DIP2C: variants seen among roughly 807,000 people sequenced by gnomAD.
The protein encoded by DIP2C is disco-interacting protein 2 homolog C.
DIP2C carries 33 observed loss-of-function variants against 192.4 expected under a neutral mutation model. That is an observed-to-expected ratio of 0.17 (90% confidence interval 0.13 to 0.23). The LOEUF is 0.23. Among genes scored for constraint, DIP2C ranks in the 10% least tolerant of loss-of-function variants. DIP2C has a pLI of 1.00. For missense variants in DIP2C, 1,537 were observed against 2,110.1 expected, an observed-to-expected ratio of 0.73 and a Z score of 5.32; for synonymous variants, 979 against 864.1, an observed-to-expected ratio of 1.13 and a Z score of -2.33.
At chr10:323,811 T>C (rs1273148294) in intron 31 of DIP2C, among the ~76,000 whole-genome samples, 1 of 152,216 alleles carries the variant, frequency 6.6e-6, no homozygotes, top group African/African-American at 2.4e-5. Flanking sequence ...AGCAGTGTGG[T>C]CCGTACATTT....
intron 1 of DIP2C, among the ~76,000 whole-genome samples, chr10:578,452 CTGT>C (rs769424347): frequency 4.6e-5 from 7 of 152,322 alleles, no homozygotes; most frequent in Non-Finnish European, 8.8e-5. Flanking sequence ...CACCAAGTCC[CTGT>C]TGTTTCGTTT....
intron 1 of DIP2C, among the ~76,000 whole-genome samples, chr10:672,022 C>T (rs1357181517): frequency 2.1e-5 from 3 of 145,896 alleles, no homozygotes; most frequent in Admixed American, 6.9e-5. Context: ...GGAAAAGCCA[C>T]AGACGCACGG....
At chr10:544,192 G>T (rs1175381721) in intron 1 of DIP2C, among the ~76,000 whole-genome samples, 1 of 151,440 alleles carries the variant, frequency 6.6e-6, no homozygotes, top group African/African-American at 2.5e-5. Flanking sequence ...TTCAAGGTGA[G>T]TGGAATTGCA....
intron 29 of DIP2C, among the ~76,000 whole-genome samples, chr10:334,888 C>T (rs1488298869): frequency 1.3e-5 from 2 of 152,080 alleles, no homozygotes; most frequent in Admixed American, 1.3e-4. Context: ...ATTTTGTTAA[C>T]CTATTTTAAA....
chr10:469,518 T>C (rs1249118097), intron 3 of DIP2C, among the ~76,000 whole-genome samples: 2 of 152,086 alleles, frequency 1.3e-5, no homozygotes, highest in Non-Finnish European at 2.9e-5. Context: ...GGTTTCGCCA[T>C]GTTGGCCACA....
At chr10:443,772 T>C (rs1967929603) in intron 3 of DIP2C, among the ~76,000 whole-genome samples, 1 of 152,210 alleles carries the variant, frequency 6.6e-6, no homozygotes, top group African/African-American at 2.4e-5. Context: ...TAAGCTTATT[T>C]GCTTAAGCCT....
At chr10:296,125 T>G (rs1202863234) in intron 32 of DIP2C, among the ~76,000 whole-genome samples, 1 of 152,244 alleles carries the variant, frequency 6.6e-6, no homozygotes, top group African/African-American at 2.4e-5. Context: ...TTTAGTTTAA[T>G]TAGATCCCAT....
At chr10:663,924 G>A (rs1468732557) in intron 1 of DIP2C, 2 of 152,178 alleles carry the variant, frequency 1.3e-5, no homozygotes, top group African/African-American at 2.4e-5. Flanking sequence ...AAGGGCTCCG[G>A]GAGGCCACAC....
chr10:472,112 A>C (rs949793261), intron 3 of DIP2C, among the ~76,000 whole-genome samples: 1 of 152,214 alleles, frequency 6.6e-6, no homozygotes, highest in Non-Finnish European at 1.5e-5. Flanking sequence ...TGATGGTAAG[A>C]AAAAGAAAAA....
At chr10:439,473 T>C (rs1253912548) in intron 4 of DIP2C, among the ~76,000 whole-genome samples, 1 of 152,062 alleles carries the variant, frequency 6.6e-6, no homozygotes, top group Non-Finnish European at 1.5e-5. Flanking sequence ...AAAAATTAGC[T>C]GGGTGTGGTG....
At chr10:393,214 T>C (rs1439069433) in intron 10 of DIP2C, among the ~76,000 whole-genome samples, 1 of 152,226 alleles carries the variant, frequency 6.6e-6, no homozygotes, top group African/African-American at 2.4e-5. Context: ...CATCAGGGTC[T>C]TTATTCGAAG....
chr10:542,216 T>A (rs1848031924), intron 1 of DIP2C, among the ~76,000 whole-genome samples: 1 of 152,208 alleles, frequency 6.6e-6, no homozygotes, highest in Non-Finnish European at 1.5e-5. Context: ...CCTGCCTGCC[T>A]CTGCGAGTTA....
At chr10:594,699 A>G (rs1222227154) in intron 1 of DIP2C, among the ~76,000 whole-genome samples, 1 of 152,122 alleles carries the variant, frequency 6.6e-6, no homozygotes, top group Non-Finnish European at 1.5e-5. Flanking sequence ...CAACACCCCT[A>G]GTGAAGGGCA....
At chr10:429,257 G>A (rs1462711395) in intron 4 of DIP2C, among the ~76,000 whole-genome samples, 3 of 8,884 alleles carry the variant, frequency 3.4e-4, no homozygotes, top group Admixed American at 1.7e-3. Context: ...CCTCCCCCCC[G>A]GACCCTGGCT....
At chr10:622,331 G>A in intron 1 of DIP2C, among the ~76,000 whole-genome samples, 1 of 50,286 alleles carries the variant, frequency 2.0e-5, no homozygotes, top group East Asian at 9.7e-4. Flanking sequence ...GAGGGGGAGG[G>A]GGAGGGGGAA....
chr10:518,410 G>GC (rs1420767891), intron 1 of DIP2C, among the ~76,000 whole-genome samples: 7 of 152,226 alleles, frequency 4.6e-5, no homozygotes, highest in Admixed American at 2.0e-4. Context: ...CTCTGACCTT[G>GC]CTCAGTGTCC....
At position 276,111 on chromosome 10, in the gene DIP2C, A is replaced by G. The variant is rs1954501845; in HGVS notation, c.*1214T>C. 2 of 152,694 alleles carry G rather than the reference A, an allele frequency of 1.3e-5. No individual in the cohort carries two copies. Among genetic ancestry groups the G allele is most frequent in the Admixed American group, 1.3e-4 (2 of 15,292 alleles). 9.5% of individuals were successfully genotyped at this position (152,694 alleles called of 1,614,324 possible). Reference sequence around the variant, plus strand: ...AAGATGACATTAACAAAAATGATGAAAAACATTGTGCAATGAATTCTTGCA... The same window carrying G: ...AAGATGACATTAACAAAAATGATGAGAAACATTGTGCAATGAATTCTTGCA... On this transcript the variant is annotated 3_prime_UTR_variant, in exon 37 of 37. Transcript: ENST00000280886.
intron 24 of DIP2C, among the ~76,000 whole-genome samples, chr10:353,710 G>T (rs543824275): frequency 6.6e-6 from 1 of 152,222 alleles, no homozygotes; most frequent in East Asian, 1.9e-4. Flanking sequence ...GTGACTACAC[G>T]GCCAGCAAGA....
chr10:277,281 A>G lies in DIP2C; in HGVS notation c.*44T>C, dbSNP rs780429123. 1 of 1,603,646 alleles carries G rather than the reference A, an allele frequency of 6.2e-7. No individual in the cohort carries two copies. Among genetic ancestry groups the G allele is most frequent in the Non-Finnish European group, 8.5e-7 (1 of 1,175,880 alleles). On this transcript the variant is annotated 3_prime_UTR_variant, in exon 37 of 37. Coordinates refer to ENST00000280886, the MANE Select transcript of DIP2C (RefSeq NM_014974.3). Reference sequence around the variant, plus strand: ...CACGCTTCAGTGGACACGGAGAACAATGTCTACATCTCTAGAAAAGTCCAT... The same window carrying G: ...CACGCTTCAGTGGACACGGAGAACAGTGTCTACATCTCTAGAAAAGTCCAT...
Sources: gnomAD v4.1 joint callset for allele counts (sites outside exome capture counted in the v4.1 genomes callset) on GRCh38, gnomAD v4.1.1 for gene constraint, MANE v1.5 for transcripts, NCBI Gene and HGNC (gene_info 2026-07-23, HGNC 2026-07-21) for gene names.